The following DAB1 variants were observed in gnomAD, a reference collection of about 807,000 sequenced individuals.
DAB1 encodes disabled homolog 1.
A neutral mutation model predicts 64.6 loss-of-function variants in DAB1; 15 were observed. The ratio of observed to expected loss-of-function variants is 0.23; its 90% CI spans 0.16 to 0.36. DAB1 has a LOEUF of 0.36. Among genes scored for constraint, DAB1 ranks in the 10% least tolerant of loss-of-function variants. The probability of loss-of-function intolerance (pLI) is 1.00; values close to 1 mark genes in which losing one functional copy is unlikely to be tolerated. For synonymous variants in DAB1, 235 were observed against 251.9 expected (o/e 0.93, Z 0.64); for missense variants, 596 against 706.7 (o/e 0.84, Z 1.78).
chr1:58,456,071 G>A (rs532836954), intron 3 of DAB1, among the ~76,000 whole-genome samples: 2 of 152,364 alleles, frequency 1.3e-5, no homozygotes, highest in Admixed American at 1.3e-4. Flanking sequence ...TAGTTTTGTG[G>A]AGATGAAATT....
At chr1:57,918,470 C>G (rs1470261405) in intron 5 of DAB1, among the ~76,000 whole-genome samples, 1 of 152,146 alleles carries the variant, frequency 6.6e-6, no homozygotes, top group Non-Finnish European at 1.5e-5. Flanking sequence ...TAACAACCCA[C>G]TCTCATAGGA....
intron 3 of DAB1, among the ~76,000 whole-genome samples, chr1:58,494,501 A>C (rs1336726348): frequency 6.6e-6 from 1 of 152,188 alleles, no homozygotes; most frequent in Non-Finnish European, 1.5e-5. Context: ...ATGGGAGAAA[A>C]TTTTTGCAAT....
At chr1:57,312,071 G>GT (rs1174986256) in intron 1 of DAB1, among the ~76,000 whole-genome samples, 2 of 152,180 alleles carry the variant, frequency 1.3e-5, no homozygotes, top group African/African-American at 4.8e-5. Flanking sequence ...ATAACTGACT[G>GT]TTGTTACTCT....
chr1:58,077,907 G>T (rs1193110970), intron 5 of DAB1: 3 of 152,220 alleles, frequency 2.0e-5, no homozygotes, highest in African/African-American at 7.2e-5. Flanking sequence ...ACCAGGCTCT[G>T]AGCCAAGCTG....
At chr1:58,488,615 C>T (rs569984755) in intron 3 of DAB1, among the ~76,000 whole-genome samples, 2 of 151,964 alleles carry the variant, frequency 1.3e-5, no homozygotes, top group African/African-American at 4.9e-5. Context: ...CCATGTCTCG[C>T]TAATTTTTGT....
intron 2 of DAB1, among the ~76,000 whole-genome samples, chr1:57,250,911 C>T (rs1669287682): frequency 6.6e-6 from 1 of 152,128 alleles, no homozygotes; most frequent in Admixed American, 6.5e-5. Context: ...TTTTCGCAGC[C>T]AGGATTTGAA....
At chr1:58,359,641 G>C (rs1018030941) in intron 3 of DAB1, among the ~76,000 whole-genome samples, 2 of 152,224 alleles carry the variant, frequency 1.3e-5, no homozygotes. Context: ...AACACATGTT[G>C]ACTCATGAAG....
rs12126930 is a variant in DAB1, at chr1:57,224,119, C to T, written c.67+66845G>A. Among the ~76,000 whole-genome samples the T allele has an allele frequency of 5.5e-3, 840 of 152,278 alleles. 4 individuals are homozygous for T. The highest frequency in any genetic ancestry group is 9.4e-3 in the Non-Finnish European group (637 of 68,030). ...TAAGAGCTCCTTAACTGGCAGGCAC[C>T]ATATCAGGCTTACTCACAGGCTTAT... On this transcript the variant is annotated intron_variant, in intron 2 of 14. Transcript: ENST00000371236.
chr1:57,580,313 T>C (rs530610332), intron 7 of DAB1, among the ~76,000 whole-genome samples: 1 of 152,286 alleles, frequency 6.6e-6, no homozygotes, highest in South Asian at 2.1e-4. Context: ...CCCATTCTGC[T>C]TGTACATCTC....
chr1:57,736,969 C>T (rs1647720482), intron 6 of DAB1, among the ~76,000 whole-genome samples: 1 of 152,164 alleles, frequency 6.6e-6, no homozygotes, highest in South Asian at 2.1e-4. Context: ...TAGGGAAGAG[C>T]TCCAGCAATA....
chr1:57,340,546 C>T (rs1677486840), intron 1 of DAB1, among the ~76,000 whole-genome samples: 1 of 152,222 alleles, frequency 6.6e-6, no homozygotes. Context: ...GTCACTGTAA[C>T]CATTTGCTAG....
chr1:57,854,592 A>G lies in DAB1; in HGVS notation n.88-28137T>C, dbSNP rs1653674156. Among the ~76,000 whole-genome samples the G allele has an allele frequency of 5.9e-5, 9 of 152,190 alleles. No individual in the cohort carries two copies. In the South Asian group the frequency reaches 1.9e-3, roughly 32 times the overall value. ...CATGAACACGATAATCTTGGATTTG[A>G]GCCCAAGTCTGTGCTGCCAATGCCC... On this transcript the variant is annotated intron_variant and non_coding_transcript_variant, in intron 1 of 1. Transcript: ENST00000477280.
rs550235176 is a variant in DAB1 at position 57,898,973 on chromosome 1, G to A, written n.388-14811C>T. ...GGTAAGGTGGGGGTAATGATGTGGT[G>A]TGGGTAGGGATCGGTTTGTTCCAGA... On this transcript the variant is annotated intron_variant and non_coding_transcript_variant, in intron 5 of 20. Transcript: ENST00000485760. Among the ~76,000 whole-genome samples the A allele has an allele frequency of 1.1e-4, 17 of 152,024 alleles. 1 individual carries two copies. In the South Asian group the frequency reaches 3.5e-3, roughly 32 times the overall value.
intron 4 of DAB1, among the ~76,000 whole-genome samples, chr1:57,076,434 C>A (rs1651998642): frequency 6.6e-6 from 1 of 152,320 alleles, no homozygotes; most frequent in African/African-American, 2.4e-5. Context: ...TCTGCCACAG[C>A]TTTATGTATT....
chr1:58,495,414 T>TATA (rs903443511), intron 3 of DAB1, among the ~76,000 whole-genome samples: 9 of 151,830 alleles, frequency 5.9e-5, no homozygotes, highest in Non-Finnish European at 8.8e-5. Context: ...AAACTTAAAG[T>TATA]ATAATAATAA....
At chr1:57,886,436 G>A (rs1027620158), upstream of DAB1, among the ~76,000 whole-genome samples, 5 of 152,174 alleles carry the variant, frequency 3.3e-5, no homozygotes, top group African/African-American at 9.7e-5. Flanking sequence ...GGTTACAGGC[G>A]TGAGCCACTG....
chr1:57,905,964 T>G (rs953869035), intron 5 of DAB1, among the ~76,000 whole-genome samples: 5 of 152,240 alleles, frequency 3.3e-5, no homozygotes, highest in African/African-American at 7.2e-5. Context: ...ATTGCCTGAA[T>G]GACATTCTTC....
intron 4 of DAB1, among the ~76,000 whole-genome samples, chr1:58,203,137 T>C (rs1658089478): frequency 1.3e-5 from 2 of 152,186 alleles, no homozygotes; most frequent in South Asian, 4.2e-4. Flanking sequence ...GAGGGCAGCA[T>C]CACTTAACAG....
At chr1:57,668,871 C>A (rs1395312924) in intron 6 of DAB1, among the ~76,000 whole-genome samples, 1 of 151,990 alleles carries the variant, frequency 6.6e-6, no homozygotes, top group East Asian at 1.9e-4. Context: ...CTATTATAAT[C>A]TTATATTTTA....
Sources: allele counts gnomAD v4.1 joint callset (sites outside exome capture counted in the v4.1 genomes callset), GRCh38; gene constraint gnomAD v4.1.1; transcripts MANE v1.5; gene names NCBI Gene and HGNC (gene_info 2026-07-23, HGNC 2026-07-21).